NXN: variants seen among roughly 807,000 people sequenced by gnomAD.
The protein encoded by NXN is nucleoredoxin 1.
A neutral mutation model predicts 48.6 loss-of-function variants in NXN; 16 were observed. That is an observed-to-expected ratio of 0.33 (90% confidence interval 0.22 to 0.50). The LOEUF (loss-of-function observed/expected upper bound fraction) is 0.50. Ranked by LOEUF, NXN falls within the 20% of genes least tolerant of loss-of-function variation. The probability of loss-of-function intolerance (pLI) is 0.98; values close to 1 mark genes in which losing one functional copy is unlikely to be tolerated. For missense variants in NXN, 492 were observed against 605.5 expected, an observed-to-expected ratio of 0.81 and a Z score of 1.97; for synonymous variants, 281 against 269.6, an observed-to-expected ratio of 1.04 and a Z score of -0.41.
At chr17:803,886 C>A (rs1447770994) in intron 6 of NXN, 80 bp from the exon 7 acceptor site, 1 of 1,579,750 alleles carries the variant, frequency 6.3e-7, no homozygotes. Context: ...GCCGAGGGGG[C>A]CTGAGCTGCA....
At chr17:805,309 G>A in intron 5 of NXN, 62 bp from the exon 6 acceptor site, 1 of 1,520,422 alleles carries the variant, frequency 6.6e-7, no homozygotes, top group Non-Finnish European at 8.8e-7. Context: ...CCTGGCAGGA[G>A]GCTCGCGGGG....
chr17:803,783 C>G lies in NXN; in HGVS notation c.1024G>C (p.Glu342Gln). Residue 342 changes from glutamate (E) to glutamine (Q), a missense_variant, in exon 7 of 8, where the codon GAG becomes CAG. By Grantham distance (29) the Glu-to-Gln change is conservative. Transcript: ENST00000336868. ...GGCTGAATCAGCTGCTTGGCCGCCT[C>G]GGACTCTCCGTCATCCTCAGAATCT... ...FVDSEDDGESEAAKQLIQPIA... is the reference protein window; with the variant it reads ...FVDSEDDGESQAAKQLIQPIA... The G allele has an allele frequency of 6.2e-7, 1 of 1,614,206 alleles. No individual in the cohort carries two copies. Among genetic ancestry groups the G allele is most frequent in the Non-Finnish European group, 8.5e-7 (1 of 1,180,048 alleles).
At chr17:896,856 C>CCGGGGGGGGGGGGGGGGGGCGGG in intron 1 of NXN, 1 of 1,156,932 alleles carries the variant, frequency 8.6e-7, no homozygotes, top group Non-Finnish European at 1.1e-6. Flanking sequence ...CGGTCCTGAC[C>CCGGGGGGGGGGGGGGGGGGCGGG]ACCCGCCCCC....
Position 977,480 on chromosome 17 carries a change from C to G in NXN, c.360+1839G>C, listed in dbSNP as rs79013953. 4.7e-3 allele frequency among the ~76,000 whole-genome samples: 715 copies of G among 152,312 alleles called. 6 individuals carry two copies. The highest frequency in any genetic ancestry group is 0.016 in the African/African-American group (649 of 41,568). ...TAGAGAGCCAGCCATGGCCCATGTC[C>G]TATCAAATATTCTCCTTTTTCGGAA... is the stretch of plus-strand genomic sequence containing the variant. On this transcript the variant is annotated intron_variant, in intron 1 of 7. Transcript: ENST00000336868.
At chr17:871,082 C>T (rs538101912) in intron 1 of NXN, among the ~76,000 whole-genome samples, 45 of 151,968 alleles carry the variant, frequency 3.0e-4, no homozygotes, top group Non-Finnish European at 5.6e-4. Flanking sequence ...AGGATGGTCT[C>T]GATCTCCTGA....
chr17:883,645 T>A (rs886598862), intron 1 of NXN, among the ~76,000 whole-genome samples: 4 of 152,234 alleles, frequency 2.6e-5, no homozygotes, highest in Non-Finnish European at 4.4e-5. Flanking sequence ...AGAAAAGCAC[T>A]GAGGAAGGCT....
intron 5 of NXN, among the ~76,000 whole-genome samples, chr17:809,893 G>T: frequency 6.7e-6 from 1 of 149,534 alleles, no homozygotes; most frequent in South Asian, 2.2e-4. Flanking sequence ...TGTACGTTAA[G>T]AGTCCCTGTG....
At chr17:850,164 A>G (rs904371880) in intron 1 of NXN, among the ~76,000 whole-genome samples, 2 of 152,184 alleles carry the variant, frequency 1.3e-5, no homozygotes, top group African/African-American at 2.4e-5. Flanking sequence ...TTAGAACGCC[A>G]GAAAAAGAAA....
At chr17:952,935 G>T (rs147229360) in intron 1 of NXN, among the ~76,000 whole-genome samples, 2 of 152,232 alleles carry the variant, frequency 1.3e-5, no homozygotes, top group South Asian at 2.1e-4. Flanking sequence ...CCACTTCTCC[G>T]TCCTGGAAGA....
At chr17:947,732 CAAAAAAAA>C (rs1159185042) in intron 1 of NXN, among the ~76,000 whole-genome samples, 1 of 36,670 alleles carries the variant, frequency 2.7e-5, no homozygotes, top group Non-Finnish European at 5.8e-5. Context: ...GGCTCCCTCT[CAAAAAAAA>C]AAAAAAAAAA....
intron 1 of NXN, among the ~76,000 whole-genome samples, chr17:828,040 C>CG (rs1229067655): frequency 6.6e-6 from 1 of 152,122 alleles, no homozygotes; most frequent in Non-Finnish European, 1.5e-5. Flanking sequence ...CCCACCTTTC[C>CG]GGGGGGCTTA....
intron 1 of NXN, among the ~76,000 whole-genome samples, chr17:835,105 G>C (rs1033769051): frequency 2.0e-5 from 3 of 151,088 alleles, no homozygotes; most frequent in African/African-American, 2.4e-5. Flanking sequence ...TCAGGAGATC[G>C]AGACCATCCT....
chr17:834,808 A>T lies in NXN; in HGVS notation c.361-8730T>A, dbSNP rs140662483. 4.0e-4 allele frequency among the ~76,000 whole-genome samples: 61 copies of T among 151,912 alleles called. 1 individual carries two copies. The highest frequency in any genetic ancestry group is 1.0e-3 in the South Asian group (5 of 4,796). Reference sequence around the variant, plus strand: ...AGTGCTGGGATTACATGTGTGAGCCACTGTGTCTGGCTAATTTTTGTACTT... The same window carrying T: ...AGTGCTGGGATTACATGTGTGAGCCTCTGTGTCTGGCTAATTTTTGTACTT... On this transcript the variant is annotated intron_variant, in intron 1 of 7. Coordinates refer to ENST00000336868, the MANE Select transcript of NXN (RefSeq NM_022463.5).
chr17:938,825 C>T (rs1322290281), intron 1 of NXN, among the ~76,000 whole-genome samples: 9 of 151,982 alleles, frequency 5.9e-5, no homozygotes, highest in South Asian at 4.2e-4. Flanking sequence ...TTTGGTAGGC[C>T]GAGGCGGGCG....
intron 1 of NXN, among the ~76,000 whole-genome samples, chr17:947,187 T>C (rs1314637275): frequency 6.6e-6 from 1 of 152,098 alleles, no homozygotes; most frequent in Non-Finnish European, 1.5e-5. Flanking sequence ...GTAACCCACG[T>C]ACAGTAGTGG....
chr17:890,362 CA>C (rs1567850627), intron 1 of NXN, among the ~76,000 whole-genome samples: 1 of 152,060 alleles, frequency 6.6e-6, no homozygotes, highest in African/African-American at 2.4e-5. Context: ...GATGCACCCA[CA>C]AAGAAAGAAA....
intron 1 of NXN, among the ~76,000 whole-genome samples, chr17:943,934 T>TA (rs969526799): frequency 2.2e-4 from 33 of 148,002 alleles, no homozygotes; most frequent in Middle Eastern, 3.5e-3. Context: ...ATCCTTCTCC[T>TA]AAAAAAAAAA....
chr17:839,797 T>TAAAAAAAAAAAA lies in NXN; in HGVS notation c.361-13731_361-13720dup, dbSNP rs553678056. 5.1e-4 allele frequency among the ~76,000 whole-genome samples: 29 copies of TAAAAAAAAAAAA among 57,248 alleles called. 1 individual carries two copies. Among genetic ancestry groups the TAAAAAAAAAAAA allele is most frequent in the East Asian group, 8.0e-4 (1 of 1,244 alleles). The allele number at this position is 57,248 out of a possible 152,430, so 37.6% of individuals were successfully genotyped here. A position where few individuals can be genotyped will look rare whatever the true frequency, so the allele number is the denominator to read the frequency against. On this transcript the variant is annotated intron_variant, in intron 1 of 7. Coordinates refer to ENST00000336868, the MANE Select transcript of NXN (RefSeq NM_022463.5). ...CAGCCTGGCGACAGAGAGACCTTGT[T>TAAAAAAAAAAAA]AAAAAAAAAAAAAAAAAGGCCAGGC...
At chr17:972,874 A>G (rs1192454406) in intron 1 of NXN, among the ~76,000 whole-genome samples, 2 of 151,940 alleles carry the variant, frequency 1.3e-5, no homozygotes, top group South Asian at 2.1e-4. Flanking sequence ...TACTAATAAT[A>G]CAAAAAATTA....
Sources: allele counts gnomAD v4.1 joint callset (sites outside exome capture counted in the v4.1 genomes callset), GRCh38; gene constraint gnomAD v4.1.1; transcripts MANE v1.5; gene names NCBI Gene and HGNC (gene_info 2026-07-23, HGNC 2026-07-21).